HPSE2: variants seen among roughly 807,000 people sequenced by gnomAD.
HPSE2 encodes the protein inactive heparanase-2.
A neutral mutation model predicts 60.5 loss-of-function variants in HPSE2; 38 were observed. That is an observed-to-expected ratio of 0.63 (90% CI 0.48 to 0.82). The LOEUF (loss-of-function observed/expected upper bound fraction) is 0.82, where lower values mean the gene tolerates loss of function less well. Among genes scored for constraint, HPSE2 ranks in the 40% least tolerant of loss-of-function variants. The pLI is 0.00. For missense variants in HPSE2, 713 were observed against 740.4 expected (o/e 0.96, Z 0.43); for synonymous variants, 295 against 293.2 (o/e 1.01, Z -0.06).
chr10:98,581,310 A>G (rs1476025113), intron 9 of HPSE2, among the ~76,000 whole-genome samples: 1 of 152,136 alleles, frequency 6.6e-6, no homozygotes, highest in Non-Finnish European at 1.5e-5. Flanking sequence ...TAAGTAGTTT[A>G]TAAAAGTTAG....
At chr10:98,725,411 G>A (rs969971323) in intron 4 of HPSE2, among the ~76,000 whole-genome samples, 10 of 152,152 alleles carry the variant, frequency 6.6e-5, no homozygotes, top group African/African-American at 2.4e-4. Context: ...TTTAATAAAT[G>A]GTGCTGGGAA....
intron 3 of HPSE2, among the ~76,000 whole-genome samples, chr10:98,913,471 T>TA (rs1954036260): frequency 6.6e-6 from 1 of 152,226 alleles, no homozygotes; most frequent in Non-Finnish European, 1.5e-5. Context: ...TATTATCTCT[T>TA]ACGGCATATT....
chr10:99,151,470 C>A (rs1197834617), intron 2 of HPSE2, among the ~76,000 whole-genome samples: 1 of 152,046 alleles, frequency 6.6e-6, no homozygotes, highest in Non-Finnish European at 1.5e-5. Flanking sequence ...TGATAAAAAT[C>A]ATTAATCCAC....
At chr10:99,245,134 G>A in the HPSE2 span, among the ~76,000 whole-genome samples, 1 of 151,990 alleles carries the variant, frequency 6.6e-6, no homozygotes, top group South Asian at 2.1e-4. Context: ...TATTTCCTGT[G>A]CTGAAATACT....
intron 3 of HPSE2, among the ~76,000 whole-genome samples, chr10:99,016,020 G>T (rs1957132705): frequency 6.6e-6 from 1 of 152,064 alleles, no homozygotes; most frequent in South Asian, 2.1e-4. Context: ...TTCTTTTGCT[G>T]TGCAGAAGCT....
intron 2 of HPSE2, among the ~76,000 whole-genome samples, chr10:99,150,876 T>G (rs577067838): frequency 7.9e-5 from 12 of 152,136 alleles, no homozygotes; most frequent in Admixed American, 5.9e-4. Context: ...TGTTTATCAA[T>G]CCACAGAGAA....
intron 9 of HPSE2, among the ~76,000 whole-genome samples, chr10:98,571,636 C>CAGGT (rs1944495923): frequency 6.6e-6 from 1 of 151,746 alleles, no homozygotes; most frequent in African/African-American, 2.4e-5. Flanking sequence ...TTACTTACTC[C>CAGGT]AGATACTGGA....
intron 9 of HPSE2, among the ~76,000 whole-genome samples, chr10:98,534,179 T>C (rs1419801954): frequency 1.3e-5 from 2 of 152,226 alleles, no homozygotes; most frequent in Non-Finnish European, 2.9e-5. Context: ...CTACTATCTG[T>C]TTTATCCTAC....
chr10:99,011,875 C>A (rs4919268), intron 3 of HPSE2, among the ~76,000 whole-genome samples: 115,033 of 151,702 alleles, frequency 0.76, 43,968 homozygotes, highest in East Asian at 0.86. Context: ...TAAAAGCATT[C>A]AAAAATGCTT....
intron 11 of HPSE2, among the ~76,000 whole-genome samples, chr10:98,475,599 G>A (rs1184965282): frequency 2.0e-5 from 3 of 152,310 alleles, no homozygotes; most frequent in Non-Finnish European, 4.4e-5. Flanking sequence ...AATGGGCTCC[G>A]TTAGGTGTGA....
intron 2 of HPSE2, among the ~76,000 whole-genome samples, chr10:99,216,188 CTTT>C (rs550046406): frequency 1.0e-5 from 1 of 97,650 alleles, no homozygotes; most frequent in African/African-American, 4.2e-5. Context: ...ATAACCTAAA[CTTT>C]TTTTTTTTTT....
the HPSE2 span, among the ~76,000 whole-genome samples, chr10:99,278,059 T>C: frequency 2.8e-5 from 4 of 143,928 alleles, no homozygotes; most frequent in South Asian, 9.0e-4. Flanking sequence ...ATCGCGCCAC[T>C]GTACTCCAGT....
intron 3 of HPSE2, among the ~76,000 whole-genome samples, chr10:99,082,232 A>G (rs1360714549): frequency 6.6e-6 from 1 of 152,180 alleles, no homozygotes; most frequent in African/African-American, 2.4e-5. Context: ...ATCTAAACCG[A>G]TCAGAAAAAA....
At chr10:98,576,830 A>G (rs965607165) in intron 9 of HPSE2, among the ~76,000 whole-genome samples, 9 of 151,720 alleles carry the variant, frequency 5.9e-5, no homozygotes, top group East Asian at 1.9e-4. Flanking sequence ...TGGATTTTCA[A>G]TTGCTAATTA....
Position 99,136,213 on chromosome 10 carries a change from C to A in HPSE2, c.610+8025G>T, listed in dbSNP as rs140391206. ...GGAAGAAGTCGAATCTCTGAAAAAA[C>A]CAATAATAAGTTCGGAAATTGAAGC... On this transcript the variant is annotated intron_variant, in intron 3 of 11. Transcript: ENST00000370552. 7.5e-3 allele frequency among the ~76,000 whole-genome samples: 1,149 copies of A among 152,202 alleles called. 14 individuals are homozygous for A. The highest frequency in any genetic ancestry group is 0.026 in the African/African-American group (1,100 of 41,540).
In HPSE2 at chr10:99,233,615, C is replaced by A. The variant is rs536271904; in HGVS notation, c.291-1110G>T. Among the ~76,000 whole-genome samples, 429 of 152,236 alleles carry A rather than the reference C, an allele frequency of 2.8e-3. 2 individuals are homozygous for A. Among genetic ancestry groups the A allele is most frequent in the South Asian group, 4.2e-3 (20 of 4,818 alleles). ...GCTTTACTGTTTCAGATTCTGAAAA[C>A]CCAAATCCACATGGTGACGTTAAAG... is the stretch of plus-strand genomic sequence containing the variant. On this transcript the variant is annotated intron_variant, in intron 1 of 11. Transcript: ENST00000370552.
intron 3 of HPSE2, among the ~76,000 whole-genome samples, chr10:99,133,204 C>A (rs542643126): frequency 9.7e-4 from 148 of 152,350 alleles, no homozygotes; most frequent in African/African-American, 3.4e-3. Context: ...CTTCTCTGGG[C>A]AGGGCATGTC....
At chr10:98,635,627 A>T (rs1230264456) in intron 7 of HPSE2, among the ~76,000 whole-genome samples, 1 of 152,046 alleles carries the variant, frequency 6.6e-6, no homozygotes, top group East Asian at 1.9e-4. Context: ...CAAAAAAATT[A>T]AAAAATTAGC....
intron 5 of HPSE2, among the ~76,000 whole-genome samples, chr10:98,701,529 T>C (rs1228462024): frequency 6.8e-6 from 1 of 147,352 alleles, no homozygotes; most frequent in African/African-American, 2.5e-5. Flanking sequence ...TTAGGAGATA[T>C]ACCTAATGCT....
Sources: gnomAD v4.1 joint callset for allele counts (sites outside exome capture counted in the v4.1 genomes callset) on GRCh38, gnomAD v4.1.1 for gene constraint, MANE v1.5 for transcripts, NCBI Gene and HGNC (gene_info 2026-07-23, HGNC 2026-07-21) for gene names.